Variants in SUFU observed in about 807,000 individuals in gnomAD.
SUFU encodes SUFU negative regulator of hedgehog signaling.
A neutral mutation model predicts 58.9 loss-of-function variants in SUFU; 7 were observed. That is an observed-to-expected ratio of 0.12 (90% CI 0.07 to 0.22). The LOEUF is 0.22. Among genes scored for constraint, SUFU ranks in the 10% least tolerant of loss-of-function variants. The pLI, the probability that SUFU is intolerant of heterozygous loss-of-function variation, is 1.00. For synonymous variants in SUFU, 232 were observed against 254.8 expected (o/e 0.91, Z 0.85); for missense variants, 451 against 641.3 (o/e 0.70, Z 3.20).
In SUFU at chr10:102,601,159, G is replaced by C. The variant is rs150409246; in HGVS notation, c.1022+1615G>C. On this transcript the variant is annotated intron_variant, in intron 8 of 11. Coordinates refer to ENST00000369902, the MANE Select transcript of SUFU (RefSeq NM_016169.4). ...GGAAGCCTGGGGTTTCTAGGCAGAA[G>C]GGCACAAGCTCCTGCAGAGATACAA... Among the ~76,000 whole-genome samples, 811 of 152,278 alleles carry C rather than the reference G, an allele frequency of 5.3e-3. 5 individuals carry two copies. Among genetic ancestry groups the C allele is most frequent in the African/African-American group, 0.019 (774 of 41,548 alleles).
intron 8 of SUFU, among the ~76,000 whole-genome samples, chr10:102,608,434 C>T (rs2063585633): frequency 6.6e-6 from 1 of 152,138 alleles, no homozygotes; most frequent in South Asian, 2.1e-4. Context: ...TGATGTGTGC[C>T]AGGTAAAAAG....
intron 3 of SUFU, among the ~76,000 whole-genome samples, chr10:102,589,442 C>CTTTTATTTTTTTTTTTTTTTTTTTTTT (rs1554851912): frequency 1.5e-5 from 1 of 65,358 alleles, no homozygotes; most frequent in Non-Finnish European, 2.6e-5. Context: ...TTCTTTCTTT[C>CTTTTATTTTTTTTTTTTTTTTTTTTTT]TTTTTTTTTT....
At chr10:102,528,255 C>A (rs1028510959) in intron 2 of SUFU, among the ~76,000 whole-genome samples, 3 of 152,108 alleles carry the variant, frequency 2.0e-5, no homozygotes, top group Non-Finnish European at 4.4e-5. Context: ...GGGTCTGGTG[C>A]CCTTGGCTTA....
chr10:102,553,698 C>T (rs1208652318), intron 3 of SUFU, among the ~76,000 whole-genome samples: 3 of 152,096 alleles, frequency 2.0e-5, no homozygotes, highest in Non-Finnish European at 4.4e-5. Context: ...CTCCTGACCT[C>T]GTGATCCGCC....
intron 8 of SUFU, among the ~76,000 whole-genome samples, chr10:102,609,482 G>A (rs1041186462): frequency 6.6e-6 from 1 of 152,168 alleles, no homozygotes; most frequent in African/African-American, 2.4e-5. Context: ...CTCAAGAACT[G>A]AGTCTTGCAA....
chr10:102,558,024 C>T (rs1381909990), intron 3 of SUFU, among the ~76,000 whole-genome samples: 7 of 151,474 alleles, frequency 4.6e-5, no homozygotes, highest in Middle Eastern at 3.2e-3. Context: ...CTCAGCCTCC[C>T]GAGTAGCTGG....
chr10:102,541,938 A>G (rs1472031153), intron 2 of SUFU, among the ~76,000 whole-genome samples: 4 of 141,362 alleles, frequency 2.8e-5, no homozygotes, highest in South Asian at 2.3e-4. Context: ...CTGGAGGGCA[A>G]TGATGGTGCG....
intron 8 of SUFU, among the ~76,000 whole-genome samples, chr10:102,611,093 C>T (rs955284960): frequency 6.6e-6 from 1 of 152,190 alleles, no homozygotes; most frequent in African/African-American, 2.4e-5. Context: ...CTGGATGGGA[C>T]ATCAAACTTT....
At chr10:102,516,125 C>CTTTTTTTTTTTTTTTTTTTTTTTTTTTTT (rs60544094) in intron 2 of SUFU, among the ~76,000 whole-genome samples, 1 of 125,586 alleles carries the variant, frequency 8.0e-6, no homozygotes, top group Non-Finnish European at 1.7e-5. Context: ...TCTTTCTTTT[C>CTTTTTTTTTTTTTTTTTTTTTTTTTTTTT]TTTTTTTTTT....
intron 3 of SUFU, among the ~76,000 whole-genome samples, chr10:102,587,874 C>T (rs952460240): frequency 6.6e-6 from 1 of 152,186 alleles, no homozygotes; most frequent in African/African-American, 2.4e-5. Flanking sequence ...ATGGAAGAAA[C>T]CTTTGCCTAA....
At position 102,619,222 on chromosome 10, in the gene SUFU, C is replaced by T; in HGVS notation, c.1296+1794C>T. The T allele has an allele frequency of 1.9e-6, 3 of 1,549,156 alleles. No individual in the cohort carries two copies. Among genetic ancestry groups the T allele is most frequent in the Admixed American group, 3.8e-5 (2 of 53,290 alleles). On this transcript the variant is annotated intron_variant, in intron 10 of 11. Coordinates refer to ENST00000369902, the MANE Select transcript of SUFU (RefSeq NM_016169.4). The surrounding 1 kb of genome is among the most constrained non-coding windows in gnomAD (Gnocchi z 4.2). ...ATTGCCCCTCAGTCCCCTGAATGCC[C>T]TTCGGACCCAACCCCAATTCCCCAA...
At chr10:102,616,806 G>A (rs562499812) in intron 9 of SUFU, among the ~76,000 whole-genome samples, 1 of 152,294 alleles carries the variant, frequency 6.6e-6, no homozygotes, top group South Asian at 2.1e-4. Context: ...GAAAGCCCAG[G>A]AGCAGGTGGA....
rs398114700 is a variant in SUFU, at chr10:102,538,359, T to TC, written c.318-11609dup. On this transcript the variant is annotated intron_variant, in intron 2 of 11. Coordinates refer to ENST00000369902, the MANE Select transcript of SUFU (RefSeq NM_016169.4). ...TACTTATGCAAGAGGCTTTTTTTTTTCCAAATGTAAGATTATTCCCTTAGG... is the reference window on the plus strand; with the variant it reads ...TACTTATGCAAGAGGCTTTTTTTTTTCCCAAATGTAAGATTATTCCCTTAGG... 9.9e-5 allele frequency among the ~76,000 whole-genome samples: 15 copies of TC among 151,980 alleles called. No individual in the cohort carries two copies. In the East Asian group the frequency reaches 1.9e-3, roughly 19 times the overall value.
At chr10:102,615,230 C>T in intron 8 of SUFU, 38 bp from the exon 9 acceptor site, 2 of 1,613,958 alleles carry the variant, frequency 1.2e-6, no homozygotes, top group Non-Finnish European at 1.7e-6. Context: ...CTGAGCTTTT[C>T]ACCTTGTGCC....
At chr10:102,504,424 G>C in intron 1 of SUFU, 90 bp downstream of exon 1, 2 of 1,569,180 alleles carry the variant, frequency 1.3e-6, no homozygotes, top group South Asian at 1.2e-5. Context: ...GGTGGGAGGA[G>C]GGGTAGAGAA....
chr10:102,529,801 T>C (rs1030183989), intron 2 of SUFU, among the ~76,000 whole-genome samples: 3 of 151,828 alleles, frequency 2.0e-5, no homozygotes, highest in East Asian at 1.9e-4. Flanking sequence ...AAAAATTAGC[T>C]GGGCATGGTG....
At position 102,566,534 on chromosome 10, in the gene SUFU, G is replaced by T. The variant is rs1232335309; in HGVS notation, c.454+16428G>T. 3.3e-5 allele frequency among the ~76,000 whole-genome samples: 5 copies of T among 152,104 alleles called. No homozygotes were observed. The East Asian group carries it at 5.8e-4, about 18-fold the overall frequency. ...TAATCCCAGCACTTTGGGAGGCCAAGGGGGCGGCTCACAGGGTCAGGAGTT... is the reference window on the plus strand; with the variant it reads ...TAATCCCAGCACTTTGGGAGGCCAATGGGGCGGCTCACAGGGTCAGGAGTT... On this transcript the variant is annotated intron_variant, in intron 3 of 11. Transcript: ENST00000369902.
At chr10:102,575,930 C>A (rs973890980) in intron 3 of SUFU, among the ~76,000 whole-genome samples, 1 of 151,988 alleles carries the variant, frequency 6.6e-6, no homozygotes, top group African/African-American at 2.4e-5. Context: ...CTCAACCTCC[C>A]GGGCTCAAGT....
At position 102,619,006 on chromosome 10, in the gene SUFU, A is replaced by G. The variant is rs1590085921; in HGVS notation, c.1296+1578A>G. The G allele has an allele frequency of 6.4e-7, 1 of 1,558,850 alleles. No homozygotes were observed. The highest frequency in any genetic ancestry group is 8.8e-7 in the Non-Finnish European group (1 of 1,135,612). ...ATGTTCAAGCACGTTTTCCTGGGACAGTCGGGACTGGGGCCTCCCCAAACT... is the reference window on the plus strand; with the variant it reads ...ATGTTCAAGCACGTTTTCCTGGGACGGTCGGGACTGGGGCCTCCCCAAACT... On this transcript the variant is annotated intron_variant, in intron 10 of 11. Transcript: ENST00000369902. The surrounding 1 kb of genome is among the most constrained non-coding windows in gnomAD (Gnocchi z 4.2).
Sources: allele counts gnomAD v4.1 joint callset (sites outside exome capture counted in the v4.1 genomes callset), GRCh38; gene constraint gnomAD v4.1.1; non-coding constraint Gnocchi (gnomAD v3.1); transcripts MANE v1.5; gene names NCBI Gene and HGNC (gene_info 2026-07-23, HGNC 2026-07-21).